The following PAX7 variants were observed in gnomAD, a reference collection of about 807,000 sequenced individuals.
PAX7 encodes the protein paired box 7.
A neutral mutation model predicts 50.7 loss-of-function variants in PAX7; 18 were observed. The observed-to-expected ratio is 0.36, with a 90% confidence interval of 0.25 to 0.53. The LOEUF (loss-of-function observed/expected upper bound fraction) is 0.53. Ranked by LOEUF, PAX7 falls within the 20% of genes least tolerant of loss-of-function variation. PAX7 has a pLI of 0.93. For synonymous variants in PAX7, 310 were observed against 290.4 expected (o/e 1.07, Z -0.69); for missense variants, 644 against 702.9 (o/e 0.92, Z 0.95).
intron 4 of PAX7, among the ~76,000 whole-genome samples, chr1:18,673,289 C>T (rs1297296545): frequency 1.3e-5 from 2 of 152,226 alleles, no homozygotes. Flanking sequence ...AAGGCAAGAG[C>T]GTCATAGACA....
chr1:18,691,227 C>T lies in PAX7; in HGVS notation c.587-527C>T, dbSNP rs540090628. Among the ~76,000 whole-genome samples the T allele has an allele frequency of 4.6e-5, 7 of 152,308 alleles. No individual in the cohort carries two copies. In the South Asian group the frequency reaches 1.5e-3, roughly 32 times the overall value. ...CTCCTGGGCTCAAGCAATCCTCCTG[C>T]CTCAGCCTCCCAAAATGCTGGGATT... On this transcript the variant is annotated intron_variant, in intron 4 of 8. Coordinates refer to ENST00000420770, the MANE Select transcript of PAX7 (RefSeq NM_001135254.2).
At chr1:18,668,765 G>C (rs913389337) in intron 4 of PAX7, among the ~76,000 whole-genome samples, 18 of 152,314 alleles carry the variant, frequency 1.2e-4, no homozygotes, top group African/African-American at 4.3e-4. Context: ...TGCCTACCTG[G>C]TACCAGATAC....
chr1:18,732,362 C>T (rs1399065402), intron 7 of PAX7, among the ~76,000 whole-genome samples: 2 of 152,184 alleles, frequency 1.3e-5, no homozygotes. Context: ...AAGGAATACA[C>T]ATGAATTCAG....
rs575688635 is a variant in PAX7, at chr1:18,656,418, G to A, written c.586+20047G>A. 2.7e-4 allele frequency among the ~76,000 whole-genome samples: 41 copies of A among 152,242 alleles called. 1 individual carries two copies. The highest frequency in any genetic ancestry group is 1.9e-3 in the South Asian group (9 of 4,824). The stretch of plus-strand genomic sequence containing the variant: ...GGAGGCTGAGGCACGAGAATCACTC[G>A]AACCTGGGAGGGCAGAGGTTGCAGC... On this transcript the variant is annotated intron_variant, in intron 4 of 8. Coordinates refer to ENST00000420770, the MANE Select transcript of PAX7 (RefSeq NM_001135254.2).
chr1:18,716,668 CCT>C (rs2089427509), intron 7 of PAX7, among the ~76,000 whole-genome samples: 1 of 151,620 alleles, frequency 6.6e-6, no homozygotes, highest in Non-Finnish European at 1.5e-5. Flanking sequence ...CAGCCTGGGT[CCT>C]CTCTCCACCC....
intron 4 of PAX7, among the ~76,000 whole-genome samples, chr1:18,675,931 A>G (rs1287060255): frequency 2.0e-5 from 3 of 152,124 alleles, no homozygotes; most frequent in African/African-American, 7.2e-5. Context: ...TTAGCCTCCC[A>G]TCTGCCCACC....
rs2100406026 is a variant in PAX7 at position 18,735,797 on chromosome 1, G to A, written c.1321G>A (p.Ala441Thr). 1.2e-6 allele frequency: 2 copies of A among 1,614,120 alleles called. No homozygotes were observed. Among genetic ancestry groups the A allele is most frequent in the Admixed American group, 1.7e-5 (1 of 60,028 alleles). Residue 441 changes from alanine (A) to threonine (T), a missense_variant, in exon 8 of 9, where the codon GCC (alanine) becomes ACC (threonine). Transcript: ENST00000420770. The surrounding 1 kb of genome is among the most constrained non-coding windows in gnomAD (Gnocchi z 4.0). The part of the protein sequence containing the change: ...KPGDSLPTSQ[A>T]YCPPTYSTTG... ...AGGAGACAGCCTGCCCACCTCCCAG[G>A]CCTACTGCCCACCCACCTACAGCAC...
At chr1:18,648,325 C>A (rs772059875) in intron 4 of PAX7, among the ~76,000 whole-genome samples, 9 of 148,864 alleles carry the variant, frequency 6.0e-5, no homozygotes, top group Non-Finnish European at 3.0e-5. Context: ...ATTCACTCTA[C>A]TACTTTATTT....
intron 4 of PAX7, among the ~76,000 whole-genome samples, chr1:18,649,232 G>A (rs1173088495): frequency 6.6e-6 from 1 of 152,196 alleles, no homozygotes. Flanking sequence ...AAACGGACTG[G>A]TGGAAGCTTT....
At chr1:18,667,391 A>AAAGG (rs3080496) in intron 4 of PAX7, among the ~76,000 whole-genome samples, 19,433 of 113,116 alleles carry the variant, frequency 0.17, 1,909 homozygotes, top group South Asian at 0.2. Context: ...AAGGAAGGAG[A>AAAGG]AAGGAAGGAA....
At chr1:18,702,232 A>C (rs1570194650) in intron 6 of PAX7, among the ~76,000 whole-genome samples, 1 of 151,914 alleles carries the variant, frequency 6.6e-6, no homozygotes, top group East Asian at 1.9e-4. Context: ...CCAGCTACTC[A>C]GGAGGCTGAG....
chr1:18,722,517 A>G (rs1252423716), intron 7 of PAX7, among the ~76,000 whole-genome samples: 1 of 152,118 alleles, frequency 6.6e-6, no homozygotes, highest in Non-Finnish European at 1.5e-5. Context: ...ATCCTCGATA[A>G]GTGGATTAGT....
intron 8 of PAX7, among the ~76,000 whole-genome samples, chr1:18,741,723 A>G (rs1931145418): frequency 6.6e-6 from 1 of 152,248 alleles, no homozygotes; most frequent in Admixed American, 6.5e-5. Context: ...ACTCCGGGAA[A>G]GTGTCACCTG....
chr1:18,669,095 G>T (rs2088707265), intron 4 of PAX7, among the ~76,000 whole-genome samples: 1 of 152,252 alleles, frequency 6.6e-6, no homozygotes. Context: ...CCTTGGGAGG[G>T]ATCGGGGGCC....
chr1:18,726,258 C>T lies in PAX7; in HGVS notation c.1156-9374C>T, dbSNP rs933625168. Among the ~76,000 whole-genome samples, 6 of 152,034 alleles carry T rather than the reference C, an allele frequency of 3.9e-5. No individual in the cohort carries two copies. The highest frequency in any genetic ancestry group is 1.4e-4 in the African/African-American group (6 of 41,392). Reference sequence around the variant, plus strand: ...CACCTCACCTCTAGACAGTCCTTAACTAAAAGCCTCCAAGGACCCCTGGAA... The same window carrying T: ...CACCTCACCTCTAGACAGTCCTTAATTAAAAGCCTCCAAGGACCCCTGGAA... On this transcript the variant is annotated intron_variant, in intron 7 of 8. Coordinates refer to ENST00000420770, the MANE Select transcript of PAX7 (RefSeq NM_001135254.2). The surrounding 1 kb of genome is among the most constrained non-coding windows in gnomAD (Gnocchi z 4.8).
At chr1:18,642,918 G>C (rs2088278696) in intron 4 of PAX7, among the ~76,000 whole-genome samples, 1 of 151,998 alleles carries the variant, frequency 6.6e-6, no homozygotes, top group East Asian at 1.9e-4. Context: ...AGCATGGGAA[G>C]GGGAGGGGCC....
chr1:18,725,883 G>C (rs80260739), intron 7 of PAX7, among the ~76,000 whole-genome samples: 1,653 of 152,282 alleles, frequency 0.011, 33 homozygotes, highest in African/African-American at 0.038. Flanking sequence ...GATCTGCCCT[G>C]GGATGAGGGG....
intron 4 of PAX7, among the ~76,000 whole-genome samples, chr1:18,662,134 G>A (rs1222544707): frequency 2.1e-5 from 3 of 146,132 alleles, no homozygotes; most frequent in Non-Finnish European, 3.0e-5. Flanking sequence ...GTGCTGGGGG[G>A]TTGAGGGGGG....
chr1:18,663,546 C>T (rs1276414615), intron 4 of PAX7, among the ~76,000 whole-genome samples: 1 of 152,142 alleles, frequency 6.6e-6, no homozygotes, highest in African/African-American at 2.4e-5. Flanking sequence ...CCATGCCCAG[C>T]TAATTTTTAT....
Sources: gnomAD v4.1 joint callset for allele counts (sites outside exome capture counted in the v4.1 genomes callset) on GRCh38, gnomAD v4.1.1 for gene constraint, Gnocchi (gnomAD v3.1) non-coding constraint, MANE v1.5 for transcripts, NCBI Gene and HGNC (gene_info 2026-07-23, HGNC 2026-07-21) for gene names.